Variants in TENM4 observed in about 807,000 individuals in gnomAD.
The protein encoded by TENM4 is teneurin transmembrane protein 4, also known as teneurin-4.
In TENM4, 82 loss-of-function variants were observed where a neutral mutation model predicts 243.3. The ratio of observed to expected loss-of-function variants is 0.34; its 90% CI spans 0.28 to 0.40. TENM4 has a LOEUF of 0.40. Among genes scored for constraint, TENM4 ranks in the 10% least tolerant of loss-of-function variants. TENM4 has a pLI of 1.00. For missense variants in TENM4, 3,138 were observed against 3,673.3 expected, an observed-to-expected ratio of 0.85 and a Z score of 3.77; for synonymous variants, 1,412 against 1,456.3, an observed-to-expected ratio of 0.97 and a Z score of 0.69.
At chr11:78,819,526 C>T (rs550265461) in intron 12 of TENM4, among the ~76,000 whole-genome samples, 37 of 152,312 alleles carry the variant, frequency 2.4e-4, no homozygotes, top group Non-Finnish European at 5.0e-4. Flanking sequence ...AGCTTTTCTC[C>T]TCTGTCAGCT....
At chr11:78,913,519 T>A (rs1305821223) in intron 6 of TENM4, among the ~76,000 whole-genome samples, 1 of 151,954 alleles carries the variant, frequency 6.6e-6, no homozygotes, top group East Asian at 1.9e-4. Flanking sequence ...AAAAATGATC[T>A]GATCCATAAA....
chr11:79,010,837 G>C (rs1388672369), intron 6 of TENM4, among the ~76,000 whole-genome samples: 1 of 152,150 alleles, frequency 6.6e-6, no homozygotes, highest in Non-Finnish European at 1.5e-5. Flanking sequence ...GAAGGCCAGA[G>C]CAAAGGTCCC....
chr11:78,707,868 A>G (rs1284444717), intron 27 of TENM4, among the ~76,000 whole-genome samples: 1 of 152,264 alleles, frequency 6.6e-6, no homozygotes, highest in Non-Finnish European at 1.5e-5. Flanking sequence ...AAAGAAAGTT[A>G]CTGAGTGAGT....
intron 4 of TENM4, among the ~76,000 whole-genome samples, chr11:79,078,033 C>G (rs1431377725): frequency 6.6e-6 from 1 of 152,062 alleles, no homozygotes; most frequent in Non-Finnish European, 1.5e-5. Context: ...CACATGGGTT[C>G]CAGCAATATT....
At chr11:78,875,869 C>T (rs976289156) in intron 9 of TENM4, among the ~76,000 whole-genome samples, 13 of 152,172 alleles carry the variant, frequency 8.5e-5, no homozygotes, top group African/African-American at 3.1e-4. Context: ...GTGTGTGCTG[C>T]CATATTTGTG....
At chr11:79,305,405 C>A (rs1856610254) in intron 1 of TENM4, among the ~76,000 whole-genome samples, 1 of 151,790 alleles carries the variant, frequency 6.6e-6, no homozygotes, top group Non-Finnish European at 1.5e-5. Flanking sequence ...ATGCTCACTG[C>A]ACTAAAAAGG....
At chr11:79,255,034 G>A (rs1855676563) in intron 2 of TENM4, among the ~76,000 whole-genome samples, 1 of 152,192 alleles carries the variant, frequency 6.6e-6, no homozygotes, top group Admixed American at 6.5e-5. Flanking sequence ...CCCAAAGTGA[G>A]AGGGTCCCAC....
At chr11:79,148,834 G>T in intron 3 of TENM4, 28 bp from the exon 4 acceptor site, 2 of 881,472 alleles carry the variant, frequency 2.3e-6, no homozygotes, top group Non-Finnish European at 2.7e-6. Flanking sequence ...AGACAAATCA[G>T]TCATTTTTGA....
intron 19 of TENM4, among the ~76,000 whole-genome samples, 163 bp downstream of exon 19, chr11:78,756,642 G>C (rs1396780095): frequency 6.6e-6 from 1 of 152,128 alleles, no homozygotes; most frequent in Admixed American, 6.5e-5. Context: ...TATAAATGTA[G>C]GTACCTGAGG....
intron 6 of TENM4, among the ~76,000 whole-genome samples, chr11:78,949,197 T>C (rs1857066591): frequency 6.6e-6 from 1 of 152,226 alleles, no homozygotes; most frequent in South Asian, 2.1e-4. Flanking sequence ...AAGTCGCCAG[T>C]GGTCACATGG....
intron 9 of TENM4, among the ~76,000 whole-genome samples, chr11:78,867,302 C>T (rs113477336): frequency 2.2e-4 from 33 of 152,050 alleles, no homozygotes; most frequent in Non-Finnish European, 4.1e-4. Flanking sequence ...TCTCTATCTC[C>T]GTGAATTCAA....
intron 4 of TENM4, among the ~76,000 whole-genome samples, chr11:79,078,722 T>C (rs1020239064): frequency 2.0e-5 from 3 of 152,206 alleles, no homozygotes; most frequent in African/African-American, 7.2e-5. Context: ...GTGATTATAA[T>C]AATGGTGGCT....
intron 4 of TENM4, among the ~76,000 whole-genome samples, chr11:79,144,900 T>C (rs1344981783): frequency 6.6e-6 from 1 of 152,046 alleles, no homozygotes; most frequent in African/African-American, 2.4e-5. Context: ...CAATAATTTA[T>C]TGTACATTTA....
In TENM4 at chr11:79,392,239, T is replaced by C. The variant is rs143085590; in HGVS notation, c.-321+48270A>G. 1.6e-3 allele frequency among the ~76,000 whole-genome samples: 249 copies of C among 152,330 alleles called. 1 individual carries two copies. The highest frequency in any genetic ancestry group is 5.8e-3 in the African/African-American group (242 of 41,574). On this transcript the variant is annotated intron_variant, in intron 1 of 33. Transcript: ENST00000278550. ...CAAGATAACCCTTTCCTTATGATGT[T>C]TGCTCACAGGGAAGTTCTGGGCAGA...
Position 78,814,300 on chromosome 11 carries a change from C to G in TENM4, c.1777G>C (p.Gly593Arg). ...CFLGFLGPDC[G>R]RASCPVLCSG... ...TCCAATGCAGAGTTCTCACCTCTGCCACAGTCGGGGCCCAGGAAACCCAGG... is the reference window on the plus strand; with the variant it reads ...TCCAATGCAGAGTTCTCACCTCTGCGACAGTCGGGGCCCAGGAAACCCAGG... Residue 593 changes from glycine (G) to arginine (R), a missense_variant, in exon 13 of 34, where the codon GGC becomes CGC. Physicochemically the swap from Gly to Arg is moderately radical, Grantham distance 125. This residue lies in a region of TENM4 where 2,467 missense variants were observed against 3,059.1 expected (regional missense o/e 0.81). Coordinates refer to ENST00000278550, the MANE Select transcript of TENM4 (RefSeq NM_001098816.3). 6.5e-7 allele frequency: 1 copy of G among 1,550,110 alleles called. No individual in the cohort carries two copies. Among genetic ancestry groups the G allele is most frequent in the Non-Finnish European group, 8.7e-7 (1 of 1,146,258 alleles).
intron 6 of TENM4, among the ~76,000 whole-genome samples, chr11:79,004,507 A>G (rs1274813772): frequency 1.3e-5 from 2 of 152,180 alleles, no homozygotes; most frequent in Non-Finnish European, 2.9e-5. Context: ...AAATTAAACA[A>G]CCTTTTGTGT....
chr11:79,203,604 C>G (rs764921574), intron 3 of TENM4, among the ~76,000 whole-genome samples: 3 of 152,154 alleles, frequency 2.0e-5, no homozygotes, highest in Non-Finnish European at 2.9e-5. Flanking sequence ...GAAATTATAA[C>G]AATATACAGT....
In TENM4 at chr11:79,437,067, G is replaced by A. The variant is rs148846568; in HGVS notation, c.-321+3442C>T. ...ACAGGTGCCGCTAAAGGAGACACCC[G>A]TTCACTCCAGGCAATCAGCTCCAAC... On this transcript the variant is annotated intron_variant, in intron 1 of 33. Coordinates refer to ENST00000278550, the MANE Select transcript of TENM4 (RefSeq NM_001098816.3). Among the ~76,000 whole-genome samples the A allele has an allele frequency of 2.1e-4, 32 of 152,290 alleles. No homozygotes were observed. The East Asian group carries it at 5.4e-3, about 26-fold the overall frequency.
At chr11:79,054,663 G>A (rs1859895751) in intron 6 of TENM4, among the ~76,000 whole-genome samples, 1 of 152,010 alleles carries the variant, frequency 6.6e-6, no homozygotes, top group East Asian at 1.9e-4. Flanking sequence ...ATTTTTTGTT[G>A]TTGTTATTTT....
Sources: gnomAD v4.1 joint callset for allele counts (sites outside exome capture counted in the v4.1 genomes callset) on GRCh38, gnomAD v4.1.1 for gene constraint, gnomAD v4.1.1 regional missense constraint, MANE v1.5 for transcripts, NCBI Gene and HGNC (gene_info 2026-07-23, HGNC 2026-07-21) for gene names.